Variants in AADAT observed in about 807,000 individuals in gnomAD.
AADAT encodes the protein aminoadipate aminotransferase.
AADAT carries 25 observed loss-of-function variants against 56.2 expected under a neutral mutation model. The ratio of observed to expected loss-of-function variants is 0.44; its 90% CI spans 0.32 to 0.62. The LOEUF (loss-of-function observed/expected upper bound fraction) is 0.62, where lower values mean the gene tolerates loss of function less well. AADAT is among the 20% of genes least tolerant of loss of function. The pLI is 0.04. For synonymous variants in AADAT, 173 were observed against 164.7 expected (o/e 1.05, Z -0.39); for missense variants, 387 against 510.5 (o/e 0.76, Z 2.33).
chr4:170,073,353 G>A lies in AADAT; in HGVS notation c.445-8C>T, dbSNP rs1731865234. ...GCAGCCCAGTGGGTGCAGCTGTTGA[G>A]CACAAAAGAAAGCCTGAGTCAGTCA... On this transcript the variant is annotated splice_polypyrimidine_tract_variant and splice_region_variant and intron_variant, in intron 4 of 12. Coordinates refer to ENST00000337664, the MANE Select transcript of AADAT (RefSeq NM_016228.4). 1.9e-6 allele frequency: 3 copies of A among 1,610,136 alleles called. No individual in the cohort carries two copies. The highest frequency in any genetic ancestry group is 4.5e-5 in the East Asian group (2 of 44,820).
chr4:170,091,434 C>T (rs897591731), upstream of AADAT, among the ~76,000 whole-genome samples: 2 of 152,210 alleles, frequency 1.3e-5, no homozygotes, highest in African/African-American at 4.8e-5. Context: ...GCGCTACCTT[C>T]GAATTCTCGC....
In AADAT at chr4:170,089,713, A is replaced by G. The variant is rs1214636944; in HGVS notation, c.-23T>C. On this transcript the variant is annotated 5_prime_UTR_variant, in exon 1 of 13. Coordinates refer to ENST00000337664, the MANE Select transcript of AADAT (RefSeq NM_016228.4). ...CATGTCTTCTGACAGCCAAGCATCAAGCTTCTTCTTCAGTGGTTGAGGACT... is the reference window on the plus strand; with the variant it reads ...CATGTCTTCTGACAGCCAAGCATCAGGCTTCTTCTTCAGTGGTTGAGGACT... The G allele has an allele frequency of 6.2e-7, 1 of 1,613,698 alleles. No homozygotes were observed. The highest frequency in any genetic ancestry group is 1.1e-5 in the South Asian group (1 of 91,056).
chr4:170,078,886 C>T (rs1581588301), intron 3 of AADAT, among the ~76,000 whole-genome samples: 1 of 152,168 alleles, frequency 6.6e-6, no homozygotes, highest in East Asian at 1.9e-4. Flanking sequence ...GGCTCTCAAA[C>T]CATAGTTTGC....
chr4:170,066,594 GCT>G (rs755909309), intron 9 of AADAT, 116 bp from the exon 10 acceptor site: 13 of 740,868 alleles, frequency 1.8e-5, no homozygotes, highest in Non-Finnish European at 3.1e-5. Context: ...AATGTTGAAT[GCT>G]TGATAGAAGA....
chr4:170,065,042 G>A (rs533948428), intron 10 of AADAT, among the ~76,000 whole-genome samples: 2 of 152,180 alleles, frequency 1.3e-5, no homozygotes, highest in East Asian at 3.9e-4. Context: ...GGGAAGAAGG[G>A]AGGGGTAGGG....
chr4:170,081,132 A>C (rs569857998), intron 3 of AADAT, among the ~76,000 whole-genome samples: 1 of 152,328 alleles, frequency 6.6e-6, no homozygotes, highest in East Asian at 1.9e-4. Flanking sequence ...AAACCCCAGA[A>C]ATTTTGGAAC....
intron 3 of AADAT, among the ~76,000 whole-genome samples, chr4:170,081,967 G>A (rs1732339874): frequency 6.6e-6 from 1 of 152,136 alleles, no homozygotes; most frequent in Non-Finnish European, 1.5e-5. Context: ...ACAAACTAAA[G>A]CCGAGAGAAT....
chr4:170,076,642 T>C (rs1581585244), intron 4 of AADAT, among the ~76,000 whole-genome samples: 1 of 152,226 alleles, frequency 6.6e-6, no homozygotes, highest in Non-Finnish European at 1.5e-5. Context: ...TATATTATGA[T>C]AAATATTTTC....
chr4:170,073,790 C>A (rs1403463070), intron 4 of AADAT, among the ~76,000 whole-genome samples: 1 of 152,178 alleles, frequency 6.6e-6, no homozygotes, highest in African/African-American at 2.4e-5. Context: ...TGAGCTGCCA[C>A]GCCCCTGGGG....
intron 4 of AADAT, among the ~76,000 whole-genome samples, chr4:170,077,572 G>A (rs191731113): frequency 2.0e-5 from 3 of 152,256 alleles, no homozygotes; most frequent in Admixed American, 6.5e-5. Context: ...AAAAGTCATC[G>A]CATTGAATTC....
intron 3 of AADAT, among the ~76,000 whole-genome samples, chr4:170,084,054 A>G (rs1020996237): frequency 6.6e-6 from 1 of 152,216 alleles, no homozygotes; most frequent in Non-Finnish European, 1.5e-5. Flanking sequence ...ATTCAACCAT[A>G]AAAAAGGAAT....
intron 5 of AADAT, among the ~76,000 whole-genome samples, chr4:170,071,475 CAAG>C (rs1256673355): frequency 3.3e-5 from 5 of 152,182 alleles, no homozygotes; most frequent in African/African-American, 4.8e-5. Flanking sequence ...CCAAGTGCAG[CAAG>C]AAGAATGATA....
upstream of AADAT, among the ~76,000 whole-genome samples, chr4:170,092,907 T>C (rs1199558612): frequency 1.3e-5 from 2 of 152,256 alleles, no homozygotes; most frequent in Non-Finnish European, 2.9e-5. Flanking sequence ...AGGCCTGTTC[T>C]CAGTTAATCC....
At chr4:170,079,774 C>G (rs79255359) in intron 3 of AADAT, among the ~76,000 whole-genome samples, 5,029 of 152,166 alleles carry the variant, frequency 0.033, 281 homozygotes, top group African/African-American at 0.11. Flanking sequence ...ATCTGAGTGA[C>G]AGGATGATTT....
At chr4:170,073,481 C>T (rs1341752953) in intron 4 of AADAT, 136 bp from the exon 5 acceptor site, 15 of 718,846 alleles carry the variant, frequency 2.1e-5, no homozygotes, top group Non-Finnish European at 3.3e-5. Flanking sequence ...CAGCTCTGAG[C>T]TCCTGAGGGT....
At chr4:170,070,738 T>C in intron 5 of AADAT, 86 bp from the exon 6 acceptor site, 3 of 951,264 alleles carry the variant, frequency 3.2e-6, no homozygotes, top group Non-Finnish European at 4.7e-6. Flanking sequence ...GGAATTATAA[T>C]TCTTTGTACT....
At chr4:170,079,540 C>T (rs1263871170) in intron 3 of AADAT, among the ~76,000 whole-genome samples, 1 of 152,034 alleles carries the variant, frequency 6.6e-6, no homozygotes, top group Admixed American at 6.5e-5. Context: ...CTGCCACAGG[C>T]CTGGAACAGG....
rs1731222557 is a variant in AADAT, at chr4:170,062,118, G to A, written c.1135-125C>T. On this transcript the variant is annotated intron_variant, in intron 11 of 12. Transcript: ENST00000337664. ...TTAAAAGCAGTTAAAGAAATCACAA[G>A]AAAAAATACTAATTTATATAAAAAT... is the stretch of plus-strand genomic sequence containing the variant. The A allele has an allele frequency of 2.5e-5, 13 of 512,598 alleles. No individual in the cohort carries two copies. In the East Asian group the frequency reaches 3.6e-4, roughly 14 times the overall value. The allele number at this position is 512,598 out of a possible 1,614,324, so 31.8% of individuals were successfully genotyped here. A position where few individuals can be genotyped will look rare whatever the true frequency, so the allele number is the denominator to read the frequency against.
At chr4:170,083,059 A>C (rs1055370504) in intron 3 of AADAT, among the ~76,000 whole-genome samples, 3 of 150,932 alleles carry the variant, frequency 2.0e-5, no homozygotes, top group Non-Finnish European at 4.4e-5. Context: ...AGACAGTTAC[A>C]AAAATATTCA....
Sources: allele counts gnomAD v4.1 joint callset (sites outside exome capture counted in the v4.1 genomes callset), GRCh38; gene constraint gnomAD v4.1.1; transcripts MANE v1.5; gene names NCBI Gene and HGNC (gene_info 2026-07-23, HGNC 2026-07-21).